Variants in SCRT1 observed in about 807,000 individuals in gnomAD.
SCRT1 encodes scratch family transcriptional repressor 1, also known as transcriptional repressor scratch 1.
In SCRT1, 1 loss-of-function variant was observed where a neutral mutation model predicts 3.4. The observed-to-expected ratio is 0.29, with a 90% CI of 0.10 to 1.39. SCRT1 has a LOEUF of 1.39. Ranked by LOEUF, SCRT1 falls within the 40% of genes most tolerant of loss-of-function variation. The pLI, the probability that SCRT1 is intolerant of heterozygous loss-of-function variation, is 0.42. For synonymous variants in SCRT1, 238 were observed against 247.0 expected, an observed-to-expected ratio of 0.96 and a Z score of 0.34; for missense variants, 380 against 526.3, an observed-to-expected ratio of 0.72 and a Z score of 2.72.
At position 144,334,088 on chromosome 8, in the gene SCRT1, C is replaced by T; in HGVS notation, c.144G>A (p.Ser48=). The T allele has an allele frequency of 7.3e-6, 11 of 1,513,520 alleles. No homozygotes were observed. Among genetic ancestry groups the T allele is most frequent in the Non-Finnish European group, 9.7e-6 (11 of 1,129,188 alleles). The allele number at this position is 1,513,520 out of a possible 1,614,324, so 93.8% of individuals were successfully genotyped here. A position where few individuals can be genotyped will look rare whatever the true frequency, so the allele number is the denominator to read the frequency against. The change falls in exon 2 of 2, where the codon TCG becomes TCA. Residue 48 remains serine (S), a synonymous_variant. Coordinates refer to ENST00000569446, the MANE Select transcript of SCRT1 (RefSeq NM_031309.6). ...CCTCGGCGTCGCCATCGTAGACGGA[C>T]GAGGGCCCCACGTAGTCGCTGAGGT... ...KGYLSDYVGP[S]SVYDGDAEAA...
At position 144,336,189 on chromosome 8, in the gene SCRT1, C is replaced by G; in HGVS notation, c.-20G>C. ...GGGCATGATTCCTGCGGGGCTCCGG[C>G]GCTGTGGGCCTGCGGAGCCGGGGCT... On this transcript the variant is annotated 5_prime_UTR_variant, in exon 1 of 2. Coordinates refer to ENST00000569446, the MANE Select transcript of SCRT1 (RefSeq NM_031309.6). The surrounding 1 kb of genome is among the most constrained non-coding windows in gnomAD (Gnocchi z 6.8). The G allele has an allele frequency of 6.5e-7, 1 of 1,541,548 alleles. No individual in the cohort carries two copies. The highest frequency in any genetic ancestry group is 2.4e-5 in the East Asian group (1 of 42,304).
rs898214740 is a variant in SCRT1 at position 144,335,323 on chromosome 8, C to G, written c.115+732G>C. Among the ~76,000 whole-genome samples, 1 of 152,188 alleles carries G rather than the reference C, an allele frequency of 6.6e-6. No homozygotes were observed. Among genetic ancestry groups the G allele is most frequent in the African/African-American group, 2.4e-5 (1 of 41,434 alleles). ...GCGCACACGGTCACATGGCCACACA[C>G]AGTCACATGGACCCACACAGGCTCA... is the stretch of plus-strand genomic sequence containing the variant. On this transcript the variant is annotated intron_variant, in intron 1 of 1. Coordinates refer to ENST00000569446, the MANE Select transcript of SCRT1 (RefSeq NM_031309.6). This position sits in a 1 kb window ranked among gnomAD's most constrained non-coding sequence, Gnocchi z 7.7.
rs1324673308 is a variant in SCRT1, at chr8:144,335,197, G to A, written c.115+858C>T. On this transcript the variant is annotated intron_variant, in intron 1 of 1. Coordinates refer to ENST00000569446, the MANE Select transcript of SCRT1 (RefSeq NM_031309.6). The surrounding 1 kb of genome is among the most constrained non-coding windows in gnomAD (Gnocchi z 7.7). The stretch of plus-strand genomic sequence containing the variant: ...GCAGGGTCACACATGCAGTCACCCC[G>A]GACACACTCTCAAGTCACATGGTGC... 6.6e-6 allele frequency among the ~76,000 whole-genome samples: 1 copy of A among 152,072 alleles called. No homozygotes were observed. Among genetic ancestry groups the A allele is most frequent in the East Asian group, 1.9e-4 (1 of 5,186 alleles).
intron 1 of SCRT1, among the ~76,000 whole-genome samples, chr8:144,334,655 G>A (rs1302546961): frequency 2.0e-5 from 3 of 152,052 alleles, no homozygotes; most frequent in African/African-American, 7.3e-5. Flanking sequence ...GCTCCATTTT[G>A]ATGTTGACCC....
At chr8:144,334,325 A>G (rs1554850119) in intron 1 of SCRT1, among the ~76,000 whole-genome samples, 1 of 151,482 alleles carries the variant, frequency 6.6e-6, no homozygotes, top group Non-Finnish European at 1.5e-5. Context: ...AGGGGAGGAG[A>G]GGATGAGACA....
Position 144,332,612 on chromosome 8 carries a change from C to T in SCRT1, c.*573G>A, listed in dbSNP as rs1440249858. On this transcript the variant is annotated 3_prime_UTR_variant, in exon 2 of 2. Coordinates refer to ENST00000569446, the MANE Select transcript of SCRT1 (RefSeq NM_031309.6). ...AAGCAACCCGAGGGAGGGGGTGCCG[C>T]CGTCCGCCCCTCTCCCCGACCCACA... 1 of 152,542 alleles carries T rather than the reference C, an allele frequency of 6.6e-6. No individual in the cohort carries two copies. The highest frequency in any genetic ancestry group is 1.5e-5 in the Non-Finnish European group (1 of 68,032). 9.4% of individuals were successfully genotyped at this position (152,542 alleles called of 1,614,324 possible).
chr8:144,335,661 A>C lies in SCRT1; in HGVS notation c.115+394T>G, dbSNP rs1554850219. Reference sequence around the variant, plus strand: ...CTAACCCTAGCAGGTGTCCTGGTGCAGTCAAGGAAGAGGAGAGGGTGGCGA... The same window carrying C: ...CTAACCCTAGCAGGTGTCCTGGTGCCGTCAAGGAAGAGGAGAGGGTGGCGA... On this transcript the variant is annotated intron_variant, in intron 1 of 1. Coordinates refer to ENST00000569446, the MANE Select transcript of SCRT1 (RefSeq NM_031309.6). This position sits in a 1 kb window ranked among gnomAD's most constrained non-coding sequence, Gnocchi z 7.7. Among the ~76,000 whole-genome samples the C allele has an allele frequency of 6.6e-6, 1 of 152,170 alleles. No homozygotes were observed. Among genetic ancestry groups the C allele is most frequent in the Admixed American group, 6.5e-5 (1 of 15,278 alleles).
chr8:144,330,730 T>G lies in SCRT1; in HGVS notation c.*2455A>C, dbSNP rs1057250123. On this transcript the variant is annotated 3_prime_UTR_variant, in exon 2 of 2. Transcript: ENST00000569446. Reference sequence around the variant, plus strand: ...CGGCCCGAGTAAAAATCCCGGCCTATTCCGGGTGGGAATATGTACAAGGCG... The same window carrying G: ...CGGCCCGAGTAAAAATCCCGGCCTAGTCCGGGTGGGAATATGTACAAGGCG... The G allele has an allele frequency of 4.3e-5, 6 of 139,366 alleles. No homozygotes were observed. The highest frequency in any genetic ancestry group is 7.8e-5 in the Non-Finnish European group (5 of 64,040). 8.6% of individuals were successfully genotyped at this position (139,366 alleles called of 1,614,324 possible). A position where few individuals can be genotyped will look rare whatever the true frequency, so the allele number is the denominator to read the frequency against.
chr8:144,333,401 G>T lies in SCRT1; in HGVS notation c.831C>A (p.Gly277=). The change falls in exon 2 of 2, where the codon GGC becomes GGA. Residue 277 remains glycine (G), a synonymous_variant. Coordinates refer to ENST00000569446, the MANE Select transcript of SCRT1 (RefSeq NM_031309.6). ...CGAAGGCCTTGCCGCAGTGCGCGCA[G>T]CCGAAGGGTTTCTCGCCGGTGTGCG... is the stretch of plus-strand genomic sequence containing the variant. ...MRSHTGEKPF[G]CAHCGKAFAD... The T allele has an allele frequency of 4.4e-6, 7 of 1,606,426 alleles. No individual in the cohort carries two copies. The highest frequency in any genetic ancestry group is 5.9e-6 in the Non-Finnish European group (7 of 1,177,794).
chr8:144,334,644 C>A (rs955061061), intron 1 of SCRT1, among the ~76,000 whole-genome samples: 1 of 152,086 alleles, frequency 6.6e-6, no homozygotes. Context: ...GCAGAACGTG[C>A]GCTCCATTTT....
Position 144,332,904 on chromosome 8 carries a change from AGGT to A in SCRT1, c.*278_*280del. 1 of 370,058 alleles carries A rather than the reference AGGT, an allele frequency of 2.7e-6. No homozygotes were observed. Among genetic ancestry groups the A allele is most frequent in the Non-Finnish European group, 4.8e-6 (1 of 209,692 alleles). The allele number at this position is 370,058 out of a possible 1,614,324, so 22.9% of individuals were successfully genotyped here. A position where few individuals can be genotyped will look rare whatever the true frequency, so the allele number is the denominator to read the frequency against. Reference sequence around the variant, plus strand: ...TCTTCAGAGACCCAACTCGGAGATGAGGTTCGGTTCTAGGTCTCGTCGACCCTA... The same window carrying A: ...TCTTCAGAGACCCAACTCGGAGATGATCGGTTCTAGGTCTCGTCGACCCTA... On this transcript the variant is annotated 3_prime_UTR_variant, in exon 2 of 2. Coordinates refer to ENST00000569446, the MANE Select transcript of SCRT1 (RefSeq NM_031309.6).
In SCRT1 at chr8:144,334,062, G is replaced by T; in HGVS notation, c.170C>A (p.Ala57Asp). Residue 57 changes from alanine to aspartate, a missense_variant, in exon 2 of 2, where the codon GCT becomes GAT. Physicochemically the swap from Ala to Asp is moderately radical, Grantham distance 126. Around this residue, in one of 5 missense-constraint regions of SCRT1, gnomAD observed 125 missense variants for 132.7 expected, o/e 0.94. Coordinates refer to ENST00000569446, the MANE Select transcript of SCRT1 (RefSeq NM_031309.6). Reference protein sequence around the residue: ...PSSVYDGDAEAALLKGPSPEP... With the variant: ...PSSVYDGDAEDALLKGPSPEP... ...CGGCGACGGCCCTTTGAGCAGCGCA[G>T]CCTCGGCGTCGCCATCGTAGACGGA... 1.3e-6 allele frequency: 2 copies of T among 1,537,002 alleles called. No homozygotes were observed.
In SCRT1 at chr8:144,333,227, G is replaced by T; in HGVS notation, c.1005C>A (p.Pro335=). The T allele has an allele frequency of 6.3e-7, 1 of 1,593,434 alleles. No individual in the cohort carries two copies. The highest frequency in any genetic ancestry group is 8.5e-7 in the Non-Finnish European group (1 of 1,172,156). ...SACFKGGAGG[P]AAPAPPQLSP... is the part of the protein sequence containing the mutation. Reference sequence around the variant, plus strand: ...TGAGCTGTGGCGGCGCAGGAGCCGCGGGGCCTCCGGCGCCGCCCTTGAAGC... The same window carrying T: ...TGAGCTGTGGCGGCGCAGGAGCCGCTGGGCCTCCGGCGCCGCCCTTGAAGC... Residue 335 remains proline, a synonymous_variant, in exon 2 of 2, where the codon CCC becomes CCA. Transcript: ENST00000569446.
In SCRT1 at chr8:144,336,273, G is replaced by A. The variant is rs948658735; in HGVS notation, c.-104C>T. 4.1e-4 allele frequency: 337 copies of A among 829,604 alleles called. 5 individuals carry two copies. The South Asian group carries it at 5.8e-3, about 14-fold the overall frequency. 51.4% of individuals were successfully genotyped at this position (829,604 alleles called of 1,614,324 possible). A position where few individuals can be genotyped will look rare whatever the true frequency, so the allele number is the denominator to read the frequency against. On this transcript the variant is annotated 5_prime_UTR_variant, in exon 1 of 2. Transcript: ENST00000569446. The surrounding 1 kb of genome is among the most constrained non-coding windows in gnomAD (Gnocchi z 6.8). ...TCCGAGGAGCGGCGGAGGCAGCGCG[G>A]GTCCCCACTCTGGCCTTTGGATGCT...
In SCRT1 at chr8:144,334,068, G is replaced by A. The variant is rs1471068501; in HGVS notation, c.164C>T (p.Ala55Val). The change falls in exon 2 of 2, where the codon GCC becomes GTC. Residue 55 changes from alanine to valine, a missense_variant. Physicochemically the swap from Ala to Val is moderately conservative, Grantham distance 64. Coordinates refer to ENST00000569446, the MANE Select transcript of SCRT1 (RefSeq NM_031309.6). ...VGPSSVYDGD[A>V]EAALLKGPSP... ...CGGCCCTTTGAGCAGCGCAGCCTCG[G>A]CGTCGCCATCGTAGACGGACGAGGG... The A allele has an allele frequency of 1.3e-6, 2 of 1,537,456 alleles. No homozygotes were observed. Among genetic ancestry groups the A allele is most frequent in the African/African-American group, 2.8e-5 (2 of 72,294 alleles).
chr8:144,335,980 G>GC lies in SCRT1; in HGVS notation c.115+74dup. Reference sequence around the variant, plus strand: ...TCTGTTTCCCCGGGCCCTGCCCTCCGCCCCCACACTCTGGCCCTCCACCGC... The same window carrying GC: ...TCTGTTTCCCCGGGCCCTGCCCTCCGCCCCCCACACTCTGGCCCTCCACCGC... On this transcript the variant is annotated intron_variant, in intron 1 of 1. Transcript: ENST00000569446. The surrounding 1 kb of genome is among the most constrained non-coding windows in gnomAD (Gnocchi z 7.7). 2 of 965,542 alleles carry GC rather than the reference G, an allele frequency of 2.1e-6. No homozygotes were observed. Among genetic ancestry groups the GC allele is most frequent in the Admixed American group, 3.2e-5 (1 of 31,382 alleles). 59.8% of individuals were successfully genotyped at this position (965,542 alleles called of 1,614,324 possible). A position where few individuals can be genotyped will look rare whatever the true frequency, so the allele number is the denominator to read the frequency against.
In SCRT1 at chr8:144,333,254, G is replaced by T. The variant is rs374024059; in HGVS notation, c.978C>A (p.Ala326=). 18 of 1,610,324 alleles carry T rather than the reference G, an allele frequency of 1.1e-5. No homozygotes were observed. Among genetic ancestry groups the T allele is most frequent in the Non-Finnish European group, 1.5e-5 (18 of 1,179,068 alleles). The stretch of plus-strand genomic sequence containing the variant: ...GGCCTCCGGCGCCGCCCTTGAAGCA[G>T]GCCGACTCGTAGTGCTTGTTGAGAT... ...KSYLNKHYES[A]CFKGGAGGPA... Residue 326 remains alanine (A), a synonymous_variant, in exon 2 of 2, where the codon GCC becomes GCA. Coordinates refer to ENST00000569446, the MANE Select transcript of SCRT1 (RefSeq NM_031309.6).
Position 144,336,045 on chromosome 8 carries a change from C to G in SCRT1, c.115+10G>C. The G allele has an allele frequency of 6.4e-7, 1 of 1,571,048 alleles. No individual in the cohort carries two copies. Among genetic ancestry groups the G allele is most frequent in the Non-Finnish European group, 8.7e-7 (1 of 1,155,896 alleles). On this transcript the variant is annotated intron_variant, in intron 1 of 1. Coordinates refer to ENST00000569446, the MANE Select transcript of SCRT1 (RefSeq NM_031309.6). This position sits in a 1 kb window ranked among gnomAD's most constrained non-coding sequence, Gnocchi z 6.8. ...CAGGCCCCGCGCCCTGGTCTCAGAC[C>G]AGCGCTCACCTTTATCGTGCAGTGG...
Position 144,333,227 on chromosome 8 carries a change from G to C in SCRT1, c.1005C>G (p.Pro335=), listed in dbSNP as rs782691604. The change falls in exon 2 of 2, where the codon CCC becomes CCG. Residue 335 remains proline, a synonymous_variant. Transcript: ENST00000569446. ...TGAGCTGTGGCGGCGCAGGAGCCGC[G>C]GGGCCTCCGGCGCCGCCCTTGAAGC... ...SACFKGGAGG[P]AAPAPPQLSP... 5 of 1,593,434 alleles carry C rather than the reference G, an allele frequency of 3.1e-6. No individual in the cohort carries two copies. The South Asian group carries it at 4.5e-5, about 14-fold the overall frequency.
Sources: allele counts gnomAD v4.1 joint callset (sites outside exome capture counted in the v4.1 genomes callset), GRCh38; gene constraint gnomAD v4.1.1; regional missense constraint gnomAD v4.1.1; non-coding constraint Gnocchi (gnomAD v3.1); transcripts MANE v1.5; gene names NCBI Gene and HGNC (gene_info 2026-07-23, HGNC 2026-07-21).